APBB2: variants seen among roughly 807,000 people sequenced by gnomAD.
APBB2 encodes the protein Fe65-like 1.
APBB2 carries 38 observed loss-of-function variants against 82.5 expected under a neutral mutation model. That is an observed-to-expected ratio of 0.46 (90% confidence interval 0.36 to 0.60). The LOEUF is 0.60. Among genes scored for constraint, APBB2 ranks in the 20% least tolerant of loss-of-function variants. The probability of loss-of-function intolerance (pLI) is 0.00; values close to 1 mark genes in which losing one functional copy is unlikely to be tolerated. For missense variants in APBB2, 772 were observed against 972.3 expected, an observed-to-expected ratio of 0.79 and a Z score of 2.74; for synonymous variants, 341 against 368.2, an observed-to-expected ratio of 0.93 and a Z score of 0.85.
chr4:40,853,621 T>A (rs1001618526), intron 12 of APBB2, among the ~76,000 whole-genome samples: 1 of 151,998 alleles, frequency 6.6e-6, no homozygotes, highest in African/African-American at 2.4e-5. Flanking sequence ...GGCTAATTTT[T>A]TTTTTTTGTA....
intron 3 of APBB2, among the ~76,000 whole-genome samples, chr4:41,093,450 T>C (rs977438295): frequency 6.6e-6 from 1 of 150,776 alleles, no homozygotes; most frequent in African/African-American, 2.4e-5. Flanking sequence ...TGGATAAGGA[T>C]TTTTTTTTTC....
chr4:40,839,547 G>A (rs1449407267), intron 12 of APBB2, among the ~76,000 whole-genome samples: 2 of 152,106 alleles, frequency 1.3e-5, no homozygotes, highest in Non-Finnish European at 2.9e-5. Context: ...AATTTGTGAA[G>A]GCTGGCACAT....
At position 41,064,221 on chromosome 4, in the gene APBB2, G is replaced by A. The variant is rs9993906; in HGVS notation, c.-51+1355C>T. On this transcript the variant is annotated intron_variant, in intron 4 of 17. Coordinates refer to ENST00000508593, the MANE Select transcript of APBB2 (RefSeq NM_004307.2). ...TCTCCATCTCCTGATCTTGTGATCC[G>A]CCCGCCTCATCCTCCCAAAGTGCTG... 3.1e-3 allele frequency among the ~76,000 whole-genome samples: 466 copies of A among 151,634 alleles called. 3 individuals carry two copies. The highest frequency in any genetic ancestry group is 0.011 in the African/African-American group (449 of 41,378).
At chr4:40,846,023 T>G (rs1321466598) in intron 12 of APBB2, among the ~76,000 whole-genome samples, 1 of 16,262 alleles carries the variant, frequency 6.1e-5, no homozygotes, top group Non-Finnish European at 1.7e-4. Flanking sequence ...GGGGTGTGTG[T>G]GTGTGTGTGT....
At chr4:41,198,699 A>C in intron 1 of APBB2, among the ~76,000 whole-genome samples, 1 of 152,192 alleles carries the variant, frequency 6.6e-6, no homozygotes, top group Non-Finnish European at 1.5e-5. Flanking sequence ...TAAAACAACC[A>C]AAATTTATTC....
At chr4:40,966,148 A>C (rs1794599415) in intron 6 of APBB2, among the ~76,000 whole-genome samples, 1 of 152,224 alleles carries the variant, frequency 6.6e-6, no homozygotes, top group Non-Finnish European at 1.5e-5. Flanking sequence ...TTATAATCAA[A>C]ATGACCTTTG....
chr4:41,024,525 G>T (rs1419403912), intron 5 of APBB2, among the ~76,000 whole-genome samples: 6 of 152,180 alleles, frequency 3.9e-5, no homozygotes, highest in African/African-American at 1.2e-4. Flanking sequence ...CTATATTAGG[G>T]TGACTCATTC....
At chr4:41,120,650 C>A (rs966334105) in intron 2 of APBB2, among the ~76,000 whole-genome samples, 1 of 152,114 alleles carries the variant, frequency 6.6e-6, no homozygotes, top group African/African-American at 2.4e-5. Context: ...AAATGTGCCA[C>A]GATACTTAAT....
chr4:41,166,962 C>T (rs565354575), intron 1 of APBB2, among the ~76,000 whole-genome samples: 1 of 152,196 alleles, frequency 6.6e-6, no homozygotes, highest in African/African-American at 2.4e-5. Flanking sequence ...GGTGACTGAA[C>T]CTGCATTTTG....
intron 5 of APBB2, among the ~76,000 whole-genome samples, chr4:41,024,014 C>A (rs1579325995): frequency 6.6e-6 from 1 of 151,974 alleles, no homozygotes; most frequent in Admixed American, 6.6e-5. Context: ...AATAGAGAGC[C>A]CAGAAATAAA....
intron 4 of APBB2, among the ~76,000 whole-genome samples, chr4:41,049,926 CGTT>C (rs1725320191): frequency 3.3e-5 from 5 of 151,998 alleles, no homozygotes; most frequent in Non-Finnish European, 5.9e-5. Context: ...GCAGCATGCT[CGTT>C]AAGAGTCATC....
chr4:40,883,074 A>G (rs913894317), intron 12 of APBB2, among the ~76,000 whole-genome samples: 15 of 152,094 alleles, frequency 9.9e-5, no homozygotes, highest in African/African-American at 3.4e-4. Context: ...AGGAGCCTGA[A>G]CCCCTGAGTG....
intron 1 of APBB2, among the ~76,000 whole-genome samples, chr4:41,190,898 A>G (rs1046596650): frequency 6.6e-6 from 1 of 152,230 alleles, no homozygotes; most frequent in African/African-American, 2.4e-5. Flanking sequence ...AAATGGACCA[A>G]CGCTGGTCTG....
rs1383615352 is a variant in APBB2 at position 41,101,437 on chromosome 4, G to A, written c.-260-687C>T. Among the ~76,000 whole-genome samples the A allele has an allele frequency of 2.4e-5, 3 of 123,802 alleles. No individual in the cohort carries two copies. The Admixed American group carries it at 3.0e-4, about 12-fold the overall frequency. The allele number at this position is 123,802 out of a possible 152,430, so 81.2% of individuals were successfully genotyped here. On this transcript the variant is annotated intron_variant, in intron 2 of 17. Coordinates refer to ENST00000508593, the MANE Select transcript of APBB2 (RefSeq NM_004307.2). ...CGAGATTGCGCCACTGCAGTCCGCA[G>A]TCCGACCTGGGCGACAGAGCGAGAC...
At chr4:40,929,236 C>T (rs191130888) in intron 10 of APBB2, among the ~76,000 whole-genome samples, 2 of 152,100 alleles carry the variant, frequency 1.3e-5, no homozygotes, top group East Asian at 3.9e-4. Flanking sequence ...GAGGAAAAAA[C>T]AGCCAGGAAT....
At position 41,127,161 on chromosome 4, in the gene APBB2, C is replaced by G. The variant is rs931274616; in HGVS notation, c.-261+15826G>C. Among the ~76,000 whole-genome samples the G allele has an allele frequency of 4.0e-5, 6 of 151,882 alleles. No homozygotes were observed. The highest frequency in any genetic ancestry group is 1.2e-4 in the African/African-American group (5 of 41,348). On this transcript the variant is annotated intron_variant, in intron 2 of 17. Transcript: ENST00000508593. This position sits in a 1 kb window ranked among gnomAD's most constrained non-coding sequence, Gnocchi z 4.8. Reference sequence around the variant, plus strand: ...CATTCTACAATGTCCCAATGACACCCTGATTTTGATTACAAAAAAAAAAAG... The same window carrying G: ...CATTCTACAATGTCCCAATGACACCGTGATTTTGATTACAAAAAAAAAAAG...
intron 1 of APBB2, among the ~76,000 whole-genome samples, chr4:41,203,203 C>T (rs1467212179): frequency 6.6e-6 from 1 of 151,598 alleles, no homozygotes; most frequent in Non-Finnish European, 1.5e-5. Context: ...AAAAAAGATA[C>T]ACATATACAC....
chr4:40,940,413 C>T (rs1038751401), intron 7 of APBB2, among the ~76,000 whole-genome samples: 2 of 152,186 alleles, frequency 1.3e-5, no homozygotes, highest in South Asian at 4.1e-4. Context: ...GGCACCATTC[C>T]TCGGCTCACT....
chr4:41,127,956 T>A lies in APBB2; in HGVS notation c.-261+15031A>T, dbSNP rs1469919884. On this transcript the variant is annotated intron_variant, in intron 2 of 17. Transcript: ENST00000508593. This position sits in a 1 kb window ranked among gnomAD's most constrained non-coding sequence, Gnocchi z 4.8. Reference sequence around the variant, plus strand: ...TTAGCCAGGTGTGGTGGCAAGCACCTGTAATCCCAGCTACCTGGGAGACTG... The same window carrying A: ...TTAGCCAGGTGTGGTGGCAAGCACCAGTAATCCCAGCTACCTGGGAGACTG... 2.6e-5 allele frequency among the ~76,000 whole-genome samples: 4 copies of A among 152,142 alleles called. No homozygotes were observed. The highest frequency in any genetic ancestry group is 5.9e-5 in the Non-Finnish European group (4 of 68,028).
Sources: gnomAD v4.1 joint callset for allele counts (sites outside exome capture counted in the v4.1 genomes callset) on GRCh38, gnomAD v4.1.1 for gene constraint, Gnocchi (gnomAD v3.1) non-coding constraint, MANE v1.5 for transcripts, NCBI Gene and HGNC (gene_info 2026-07-23, HGNC 2026-07-21) for gene names.